Variants in CSMD1 observed in about 807,000 individuals in gnomAD.
CSMD1 encodes the protein CUB and sushi domain-containing protein 1.
Under a neutral mutation model 417.5 loss-of-function variants are expected in CSMD1, and 213 were observed. The ratio of observed to expected loss-of-function variants is 0.51; its 90% CI spans 0.46 to 0.57. The LOEUF is 0.57. Among genes scored for constraint, CSMD1 ranks in the 20% least tolerant of loss-of-function variants. The pLI, the probability that CSMD1 is intolerant of heterozygous loss-of-function variation, is 0.00. For synonymous variants in CSMD1, 2,862 were observed against 1,736.8 expected (o/e 1.65, Z -16.11); for missense variants, 6,923 against 4,529.7 (o/e 1.53, Z -15.17).
At chr8:4,425,498 C>G (rs1346744715) in intron 2 of CSMD1, among the ~76,000 whole-genome samples, 1 of 151,924 alleles carries the variant, frequency 6.6e-6, no homozygotes, top group Non-Finnish European at 1.5e-5. Context: ...TGTTTATAGC[C>G]ATTTACTCCA....
intron 23 of CSMD1, among the ~76,000 whole-genome samples, chr8:3,342,021 C>A (rs756857293): frequency 1.3e-5 from 2 of 152,064 alleles, no homozygotes; most frequent in African/African-American, 2.4e-5. Flanking sequence ...AGGTAAAATT[C>A]TAGTAAAAAT....
chr8:4,150,819 G>A (rs549633083), intron 3 of CSMD1, among the ~76,000 whole-genome samples: 63 of 152,184 alleles, frequency 4.1e-4, no homozygotes, highest in African/African-American at 1.5e-3. Context: ...GTTGGGAGAA[G>A]ACAGGGAGGG....
chr8:3,438,120 G>A (rs532012902), intron 12 of CSMD1, among the ~76,000 whole-genome samples: 1 of 152,232 alleles, frequency 6.6e-6, no homozygotes, highest in African/African-American at 2.4e-5. Context: ...GAATATTCAG[G>A]TCCATCTGTG....
intron 1 of CSMD1, among the ~76,000 whole-genome samples, chr8:4,905,594 C>T (rs543235590): frequency 6.6e-5 from 10 of 151,822 alleles, no homozygotes; most frequent in South Asian, 4.2e-4. Flanking sequence ...CCAAGGTGGG[C>T]CCATCACGAG....
At chr8:3,986,277 C>T (rs1439200722) in intron 5 of CSMD1, among the ~76,000 whole-genome samples, 1 of 152,148 alleles carries the variant, frequency 6.6e-6, no homozygotes, top group Admixed American at 6.5e-5. Context: ...TCAACATTCT[C>T]TCTACAATCC....
At chr8:3,797,161 A>C (rs1800199708) in intron 5 of CSMD1, among the ~76,000 whole-genome samples, 1 of 151,984 alleles carries the variant, frequency 6.6e-6, no homozygotes, top group Admixed American at 6.6e-5. Context: ...TAATAATTGA[A>C]TTTCAAAGTC....
Position 3,396,243 on chromosome 8 carries a change from G to C in CSMD1, c.2544C>G (p.Phe848Leu). Residue 848 changes from phenylalanine (F) to leucine (L), a missense_variant, in exon 17 of 70, where the codon TTC becomes TTG. By Grantham distance (22) the Phe-to-Leu change is conservative. Transcript: ENST00000635120. The stretch of plus-strand genomic sequence containing the variant: ...TGCTGGAGCGGCTGTTGTCAGTGGT[G>C]AACAGCAGGTACATGAAGTTCCCGG... ...ISTGNFMYLL[F>L]TTDNSRSSIG... is the part of the protein sequence containing the mutation. 1 of 1,576,602 alleles carries C rather than the reference G, an allele frequency of 6.3e-7. No individual in the cohort carries two copies. Among genetic ancestry groups the C allele is most frequent in the Non-Finnish European group, 8.6e-7 (1 of 1,161,000 alleles).
At chr8:4,327,510 T>A (rs1414424423) in intron 3 of CSMD1, among the ~76,000 whole-genome samples, 2 of 152,136 alleles carry the variant, frequency 1.3e-5, no homozygotes, top group Non-Finnish European at 2.9e-5. Context: ...GTGCCTTTCT[T>A]GCAGTGTGAT....
intron 1 of CSMD1, among the ~76,000 whole-genome samples, chr8:4,912,135 A>AAAAAAAAAAAAAAGAAAAG (rs765904838): frequency 4.3e-5 from 5 of 115,612 alleles, no homozygotes; most frequent in Non-Finnish European, 7.6e-5. Context: ...AAAAAAAAAA[A>AAAAAAAAAAAAAAGAAAAG]AAAAAAGAAA....
chr8:4,286,088 C>T (rs1289942609), intron 3 of CSMD1, among the ~76,000 whole-genome samples: 1 of 152,072 alleles, frequency 6.6e-6, no homozygotes, highest in Non-Finnish European at 1.5e-5. Flanking sequence ...GAGAAATACA[C>T]ATTATTCTTT....
intron 5 of CSMD1, among the ~76,000 whole-genome samples, chr8:3,991,926 T>C (rs191275520): frequency 1.3e-5 from 2 of 152,288 alleles, no homozygotes; most frequent in South Asian, 2.1e-4. Context: ...CTATTGTTTA[T>C]ATTTTCTTGT....
At chr8:4,122,900 C>G (rs748915298) in intron 3 of CSMD1, among the ~76,000 whole-genome samples, 6 of 152,178 alleles carry the variant, frequency 3.9e-5, no homozygotes, top group African/African-American at 9.7e-5. Context: ...CTAATAGCTA[C>G]GAGACCCTTT....
intron 21 of CSMD1, among the ~76,000 whole-genome samples, chr8:3,352,859 G>T (rs1438815954): frequency 6.6e-6 from 1 of 151,764 alleles, no homozygotes; most frequent in African/African-American, 2.4e-5. Flanking sequence ...AACAAACAAA[G>T]AAACAAACAA....
chr8:4,819,127 G>C (rs573217464), intron 1 of CSMD1, among the ~76,000 whole-genome samples: 1 of 152,168 alleles, frequency 6.6e-6, no homozygotes, highest in Non-Finnish European at 1.5e-5. Flanking sequence ...AACAGCAGCA[G>C]GCAGCTCATG....
chr8:4,064,320 G>C (rs890371793), intron 3 of CSMD1, among the ~76,000 whole-genome samples: 4 of 152,186 alleles, frequency 2.6e-5, no homozygotes, highest in Admixed American at 2.0e-4. Context: ...GCTCCATATG[G>C]TGTTTCATAG....
chr8:4,611,592 A>G (rs1009492710), intron 2 of CSMD1, among the ~76,000 whole-genome samples: 13 of 152,212 alleles, frequency 8.5e-5, no homozygotes, highest in African/African-American at 3.1e-4. Flanking sequence ...TCACCTCACC[A>G]GAAGATGAAA....
At chr8:4,473,240 T>A (rs1800630138) in intron 2 of CSMD1, among the ~76,000 whole-genome samples, 1 of 152,194 alleles carries the variant, frequency 6.6e-6, no homozygotes, top group African/African-American at 2.4e-5. Context: ...TTAAGCCATT[T>A]TGTAAAATTG....
intron 1 of CSMD1, among the ~76,000 whole-genome samples, chr8:4,915,359 C>T (rs1216775417): frequency 6.6e-6 from 1 of 152,168 alleles, no homozygotes; most frequent in African/African-American, 2.4e-5. Flanking sequence ...AAGTAGATTA[C>T]ATATAGTCTG....
At position 3,348,180 on chromosome 8, in the gene CSMD1, G is replaced by A. The variant is rs761266401; in HGVS notation, c.3305-19C>T. The stretch of plus-strand genomic sequence containing the variant: ...CATTCGGCTACAATAAATAGGACAT[G>A]AGAGAAAGAGGATTCAAAAGTGGAA... On this transcript the variant is annotated intron_variant, in intron 21 of 69. Coordinates refer to ENST00000635120, the MANE Select transcript of CSMD1 (RefSeq NM_033225.6). The A allele has an allele frequency of 6.3e-6, 10 of 1,593,132 alleles. 1 individual carries two copies. In the East Asian group the frequency reaches 1.3e-4, roughly 21 times the overall value.
Sources: allele counts gnomAD v4.1 joint callset (sites outside exome capture counted in the v4.1 genomes callset), GRCh38; gene constraint gnomAD v4.1.1; transcripts MANE v1.5; gene names NCBI Gene and HGNC (gene_info 2026-07-23, HGNC 2026-07-21).